PDS5B: variants seen among roughly 807,000 people sequenced by gnomAD.
PDS5B encodes sister chromatid cohesion protein PDS5 homolog B.
A neutral mutation model predicts 184.1 loss-of-function variants in PDS5B; 51 were observed. That is an observed-to-expected ratio of 0.28 (90% CI 0.22 to 0.35). The LOEUF (loss-of-function observed/expected upper bound fraction) is 0.35. PDS5B is among the 10% of genes least tolerant of loss of function. The probability of loss-of-function intolerance (pLI) is 1.00; values close to 1 mark genes in which losing one functional copy is unlikely to be tolerated. For synonymous variants in PDS5B, 566 were observed against 569.2 expected (o/e 0.99, Z 0.08); for missense variants, 1,180 against 1,723.3 (o/e 0.68, Z 5.58).
intron 1 of PDS5B, among the ~76,000 whole-genome samples, chr13:32,623,144 G>A (rs1468221246): frequency 6.6e-6 from 1 of 152,142 alleles, no homozygotes; most frequent in East Asian, 1.9e-4. Flanking sequence ...TCATTTTCTT[G>A]GTATGGGTCA....
At chr13:32,649,386 G>A (rs570860964) in intron 2 of PDS5B, 1 of 152,430 alleles carries the variant, frequency 6.6e-6, no homozygotes, top group South Asian at 2.1e-4. Context: ...CTTCATATGT[G>A]TTTGAATAAT....
intron 1 of PDS5B, among the ~76,000 whole-genome samples, chr13:32,608,766 T>C (rs1159418645): frequency 6.6e-6 from 1 of 152,174 alleles, no homozygotes. Context: ...CCCAGGATTA[T>C]TTGGAGAAGT....
intron 19 of PDS5B, among the ~76,000 whole-genome samples, chr13:32,730,932 C>CT (rs1405174801): frequency 2.0e-5 from 3 of 152,154 alleles, no homozygotes; most frequent in East Asian, 3.8e-4. Context: ...CTTGAATACT[C>CT]TTTGTTTCTT....
chr13:32,764,624 T>C, intron 31 of PDS5B, 30 bp downstream of exon 31: 2 of 1,203,790 alleles, frequency 1.7e-6, no homozygotes, highest in African/African-American at 1.6e-5. Flanking sequence ...TTTATAATAA[T>C]ATTAATGATA....
chr13:32,651,628 A>G (rs1338326670), intron 2 of PDS5B, among the ~76,000 whole-genome samples, 176 bp from the exon 3 acceptor site: 2 of 152,166 alleles, frequency 1.3e-5, no homozygotes, highest in East Asian at 1.9e-4. Flanking sequence ...AGTCTTTTAA[A>G]TAGAAGTTTA....
At chr13:32,725,713 C>G (rs1160190242) in intron 19 of PDS5B, among the ~76,000 whole-genome samples, 1 of 152,088 alleles carries the variant, frequency 6.6e-6, no homozygotes, top group Non-Finnish European at 1.5e-5. Flanking sequence ...ATTTATATCT[C>G]TTTTTTCCCT....
chr13:32,698,847 G>T (rs773029485), intron 15 of PDS5B, among the ~76,000 whole-genome samples: 1 of 151,356 alleles, frequency 6.6e-6, no homozygotes, highest in East Asian at 2.0e-4. Context: ...TCCGCCTCCC[G>T]GGTTCAAGCA....
intron 26 of PDS5B, among the ~76,000 whole-genome samples, chr13:32,757,145 A>T (rs1354866283): frequency 4.6e-5 from 7 of 151,622 alleles, no homozygotes; most frequent in Non-Finnish European, 7.4e-5. Context: ...AAAAAAAAAA[A>T]TTAGTTCTAT....
chr13:32,600,356 A>G (rs2057954048), intron 1 of PDS5B, among the ~76,000 whole-genome samples: 1 of 152,080 alleles, frequency 6.6e-6, no homozygotes, highest in African/African-American at 2.4e-5. Flanking sequence ...AACTCTTTTT[A>G]TCTTCCCTTG....
intron 19 of PDS5B, among the ~76,000 whole-genome samples, chr13:32,726,999 A>G (rs1483763768): frequency 2.0e-5 from 3 of 151,994 alleles, no homozygotes; most frequent in Admixed American, 6.6e-5. Context: ...GTTTGCTTTT[A>G]TATTGGTTGT....
chr13:32,746,902 A>G (rs1953763590), intron 24 of PDS5B, among the ~76,000 whole-genome samples: 1 of 152,256 alleles, frequency 6.6e-6, no homozygotes, highest in South Asian at 2.1e-4. Flanking sequence ...TTTAACGAGT[A>G]TGCAAATTCC....
At chr13:32,705,257 T>C (rs1321053347) in intron 17 of PDS5B, among the ~76,000 whole-genome samples, 4 of 152,190 alleles carry the variant, frequency 2.6e-5, no homozygotes, top group Non-Finnish European at 4.4e-5. Flanking sequence ...CTTTTGGAAA[T>C]GTGATAGTTT....
At chr13:32,677,802 T>C (rs1486909122) in intron 9 of PDS5B, among the ~76,000 whole-genome samples, 1 of 152,164 alleles carries the variant, frequency 6.6e-6, no homozygotes, top group African/African-American at 2.4e-5. Context: ...GCCTTTAGAT[T>C]TCATAGAATT....
rs567898965 is a variant in PDS5B at position 32,627,698 on chromosome 13, A to G, written c.-19-21056A>G. Among the ~76,000 whole-genome samples, 19 of 152,318 alleles carry G rather than the reference A, an allele frequency of 1.2e-4. No homozygotes were observed. The South Asian group carries it at 2.1e-3, about 17-fold the overall frequency. On this transcript the variant is annotated intron_variant, in intron 1 of 34. Transcript: ENST00000315596. ...CAGATTATATAATATTGTTGGAGTGATAAGTATTAAGGATTGCCAAAAACT... is the reference window on the plus strand; with the variant it reads ...CAGATTATATAATATTGTTGGAGTGGTAAGTATTAAGGATTGCCAAAAACT...
intron 19 of PDS5B, among the ~76,000 whole-genome samples, chr13:32,727,558 A>T (rs1243202716): frequency 6.6e-6 from 1 of 152,012 alleles, no homozygotes. Flanking sequence ...TTTTTAAAAG[A>T]TAATTTTGCT....
chr13:32,617,518 T>A (rs1299924461), intron 1 of PDS5B, among the ~76,000 whole-genome samples: 1 of 152,218 alleles, frequency 6.6e-6, no homozygotes, highest in Non-Finnish European at 1.5e-5. Flanking sequence ...CTTGCACATA[T>A]AACTCAAGAT....
At chr13:32,621,192 G>A (rs530291181) in intron 1 of PDS5B, among the ~76,000 whole-genome samples, 6 of 152,290 alleles carry the variant, frequency 3.9e-5, no homozygotes, top group African/African-American at 9.6e-5. Context: ...GGCTGGGTGC[G>A]GTGGCTCACG....
intron 19 of PDS5B, among the ~76,000 whole-genome samples, chr13:32,715,500 G>A (rs1952352207): frequency 6.6e-6 from 1 of 152,146 alleles, no homozygotes; most frequent in Admixed American, 6.5e-5. Flanking sequence ...CTATGTAAAT[G>A]TATTTGAAAA....
At chr13:32,772,756 A>T (rs899536657) in intron 33 of PDS5B, among the ~76,000 whole-genome samples, 3 of 152,280 alleles carry the variant, frequency 2.0e-5, no homozygotes, top group Admixed American at 2.0e-4. Context: ...GAGGCAAGAG[A>T]TGGGAATGGT....
Sources: gnomAD v4.1 joint callset for allele counts (sites outside exome capture counted in the v4.1 genomes callset) on GRCh38, gnomAD v4.1.1 for gene constraint, MANE v1.5 for transcripts, NCBI Gene and HGNC (gene_info 2026-07-23, HGNC 2026-07-21) for gene names.